Variants in BCAS3 observed in about 807,000 individuals in gnomAD.
The protein encoded by BCAS3 is BCAS3 microtubule associated cell migration factor, also known as BCAS4/BCAS3 fusion.
BCAS3 carries 53 observed loss-of-function variants against 116.1 expected under a neutral mutation model. The observed-to-expected ratio is 0.46, with a 90% CI of 0.37 to 0.57. The LOEUF (loss-of-function observed/expected upper bound fraction) is 0.57, where lower values mean the gene tolerates loss of function less well. BCAS3 is among the 20% of genes least tolerant of loss of function. The pLI, the probability that BCAS3 is intolerant of heterozygous loss-of-function variation, is 0.00. For missense variants in BCAS3, 917 were observed against 1,165.4 expected, an observed-to-expected ratio of 0.79 and a Z score of 3.10; for synonymous variants, 391 against 408.2, an observed-to-expected ratio of 0.96 and a Z score of 0.51.
Position 61,348,577 on chromosome 17 carries a change from C to T in BCAS3, c.2426-19750C>T, listed in dbSNP as rs373446581. Among the ~76,000 whole-genome samples the T allele has an allele frequency of 1.2e-4, 18 of 151,972 alleles. 2 individuals carry two copies. The highest frequency in any genetic ancestry group is 4.3e-4 in the African/African-American group (18 of 41,440). On this transcript the variant is annotated intron_variant, in intron 22 of 23. Transcript: ENST00000407086. This position sits in a 1 kb window ranked among gnomAD's most constrained non-coding sequence, Gnocchi z 4.5. ...CGAGGCCTTGGGAGAGACTTGGGAGCGGTCAGAGAGGGAAGAGGAAAACTG... is the reference window on the plus strand; with the variant it reads ...CGAGGCCTTGGGAGAGACTTGGGAGTGGTCAGAGAGGGAAGAGGAAAACTG...
At chr17:60,925,505 A>T (rs905407239) in intron 13 of BCAS3, among the ~76,000 whole-genome samples, 1 of 152,228 alleles carries the variant, frequency 6.6e-6, no homozygotes, top group Non-Finnish European at 1.5e-5. Flanking sequence ...ACTCTACAGT[A>T]TGTCATTTTG....
At position 61,162,806 on chromosome 17, in the gene BCAS3, G is replaced by A. The variant is rs958329371; in HGVS notation, c.2425+78242G>A. ...ACCACTCCTGATGGAATATGAGAAA[G>A]AAAAGTGTATTATTTACATTCTTAA... On this transcript the variant is annotated intron_variant, in intron 22 of 23. Coordinates refer to ENST00000407086, the MANE Select transcript of BCAS3 (RefSeq NM_017679.5). This position sits in a 1 kb window ranked among gnomAD's most constrained non-coding sequence, Gnocchi z 5.6. Among the ~76,000 whole-genome samples the A allele has an allele frequency of 6.6e-6, 1 of 152,232 alleles. No homozygotes were observed. The highest frequency in any genetic ancestry group is 1.5e-5 in the Non-Finnish European group (1 of 68,030).
intron 7 of BCAS3, among the ~76,000 whole-genome samples, chr17:60,833,174 T>C (rs2051090629): frequency 6.6e-6 from 1 of 152,180 alleles, no homozygotes; most frequent in Non-Finnish European, 1.5e-5. Flanking sequence ...GCCCATTTTA[T>C]ATATTCTAAA....
At chr17:61,055,592 G>A (rs1170986820) in intron 19 of BCAS3, among the ~76,000 whole-genome samples, 2 of 152,098 alleles carry the variant, frequency 1.3e-5, no homozygotes, top group Non-Finnish European at 2.9e-5. Context: ...TGACACATAG[G>A]GCACCTTTCT....
At chr17:61,283,689 G>A (rs955925680) in intron 22 of BCAS3, among the ~76,000 whole-genome samples, 2 of 152,012 alleles carry the variant, frequency 1.3e-5, no homozygotes, top group Non-Finnish European at 2.9e-5. Flanking sequence ...TTCTGACCTC[G>A]TAATCCACCT....
chr17:61,295,399 CCT>C (rs2052796142), intron 22 of BCAS3, among the ~76,000 whole-genome samples: 5 of 152,308 alleles, frequency 3.3e-5, no homozygotes, highest in Admixed American at 3.3e-4. Flanking sequence ...GCAGAGAACC[CCT>C]GTCTCTGACA....
chr17:60,707,484 A>G (rs1395069116), intron 4 of BCAS3, among the ~76,000 whole-genome samples: 2 of 152,192 alleles, frequency 1.3e-5, no homozygotes, highest in Non-Finnish European at 2.9e-5. Context: ...TCAAGGGTCA[A>G]GTGTACTTTT....
chr17:60,711,150 T>C (rs1297745719), intron 5 of BCAS3, among the ~76,000 whole-genome samples: 1 of 95,274 alleles, frequency 1.0e-5, no homozygotes, highest in Non-Finnish European at 1.9e-5. Context: ...AGATGTGGGA[T>C]TTTTTTTTTT....
rs995672902 is a variant in BCAS3 at position 61,377,920 on chromosome 17, T to C, written c.2593+9426T>C. ...TGGGAAGAGGTTCCAGTTATTAAGATCCTGCCGGTCTCCCATGGTCTGAAG... is the reference window on the plus strand; with the variant it reads ...TGGGAAGAGGTTCCAGTTATTAAGACCCTGCCGGTCTCCCATGGTCTGAAG... On this transcript the variant is annotated intron_variant, in intron 23 of 23. Coordinates refer to ENST00000407086, the MANE Select transcript of BCAS3 (RefSeq NM_017679.5). The surrounding 1 kb of genome is among the most constrained non-coding windows in gnomAD (Gnocchi z 4.6). 1.3e-5 allele frequency: 2 copies of C among 152,240 alleles called. No homozygotes were observed. The highest frequency in any genetic ancestry group is 4.8e-5 in the African/African-American group (2 of 41,466). 9.4% of individuals were successfully genotyped at this position (152,240 alleles called of 1,614,324 possible).
intron 7 of BCAS3, among the ~76,000 whole-genome samples, chr17:60,813,938 G>C (rs1461966399): frequency 6.6e-6 from 1 of 152,136 alleles, no homozygotes; most frequent in South Asian, 2.1e-4. Flanking sequence ...TAGCCTTATA[G>C]TATAGTTTGA....
rs1047277491 is a variant in BCAS3 at position 61,229,389 on chromosome 17, T to G, written c.2426-138938T>G. Among the ~76,000 whole-genome samples the G allele has an allele frequency of 3.3e-5, 5 of 152,266 alleles. No individual in the cohort carries two copies. Among genetic ancestry groups the G allele is most frequent in the African/African-American group, 1.2e-4 (5 of 41,476 alleles). On this transcript the variant is annotated intron_variant, in intron 22 of 23. Transcript: ENST00000407086. This position sits in a 1 kb window ranked among gnomAD's most constrained non-coding sequence, Gnocchi z 4.4. ...GATGGAGAAGCTCCAGCCAGTTATC[T>G]AGAAGATCTAGCCAAGATCATTGAT...
Position 61,056,343 on chromosome 17 carries a change from G to A in BCAS3, c.2029+15451G>A, listed in dbSNP as rs1158732173. Among the ~76,000 whole-genome samples the A allele has an allele frequency of 6.6e-6, 1 of 152,160 alleles. No homozygotes were observed. Among genetic ancestry groups the A allele is most frequent in the African/African-American group, 2.4e-5 (1 of 41,438 alleles). On this transcript the variant is annotated intron_variant, in intron 19 of 23. Coordinates refer to ENST00000407086, the MANE Select transcript of BCAS3 (RefSeq NM_017679.5). This position sits in a 1 kb window ranked among gnomAD's most constrained non-coding sequence, Gnocchi z 4.9. ...TGTGTGGCCTTAGTACAGTGCCCAT[G>A]TTATATACTGATAGAAGTCAGTAAT...
rs1197908849 is a variant in BCAS3, at chr17:61,343,902, C to T, written c.2426-24425C>T. On this transcript the variant is annotated intron_variant, in intron 22 of 23. Transcript: ENST00000407086. The surrounding 1 kb of genome is among the most constrained non-coding windows in gnomAD (Gnocchi z 5.5). ...CTCTTTGGACCACCTCCTCCCCTTT[C>T]GCTTCCTTCCACACAGTCCAGTGCT... 2.6e-5 allele frequency among the ~76,000 whole-genome samples: 4 copies of T among 152,224 alleles called. No individual in the cohort carries two copies. Among genetic ancestry groups the T allele is most frequent in the East Asian group, 1.9e-4 (1 of 5,192 alleles).
chr17:60,953,693 G>C (rs1234179613), intron 14 of BCAS3, among the ~76,000 whole-genome samples: 1 of 148,880 alleles, frequency 6.7e-6, no homozygotes, highest in East Asian at 1.9e-4. Context: ...AGTTTTTATA[G>C]TTTTGAGTTT....
rs117484839 is a variant in BCAS3, at chr17:61,285,927, C to T, written c.2426-82400C>T. The stretch of plus-strand genomic sequence containing the variant: ...TTTTAGTTTCAAGACTTAGCTTACA[C>T]ACACACTCAAGTTACGTGAATACAT... On this transcript the variant is annotated intron_variant, in intron 22 of 23. Coordinates refer to ENST00000407086, the MANE Select transcript of BCAS3 (RefSeq NM_017679.5). This position sits in a 1 kb window ranked among gnomAD's most constrained non-coding sequence, Gnocchi z 5.4. Among the ~76,000 whole-genome samples the T allele has an allele frequency of 8.6e-3, 1,303 of 152,304 alleles. 10 individuals carry two copies. The highest frequency in any genetic ancestry group is 0.013 in the Non-Finnish European group (903 of 68,020).
intron 10 of BCAS3, among the ~76,000 whole-genome samples, chr17:60,894,865 CTT>C (rs1440940691): frequency 6.6e-6 from 1 of 151,932 alleles, no homozygotes; most frequent in Non-Finnish European, 1.5e-5. Context: ...GTGATTATCA[CTT>C]ATTGATTTAG....
intron 14 of BCAS3, among the ~76,000 whole-genome samples, chr17:60,974,985 TTTTTTGC>T (rs1457096581): frequency 3.6e-5 from 5 of 138,376 alleles, no homozygotes; most frequent in African/African-American, 1.4e-4. Flanking sequence ...TTTTTTTGTT[TTTTTTGC>T]TTTTTTGTTT....
At chr17:60,974,349 T>G (rs2062161747) in intron 14 of BCAS3, among the ~76,000 whole-genome samples, 1 of 152,182 alleles carries the variant, frequency 6.6e-6, no homozygotes, top group South Asian at 2.1e-4. Context: ...TTCAACCCAT[T>G]TTGTGAATTA....
intron 6 of BCAS3, among the ~76,000 whole-genome samples, chr17:60,786,803 C>A (rs994657587): frequency 6.6e-5 from 10 of 151,972 alleles, no homozygotes; most frequent in Non-Finnish European, 8.8e-5. Context: ...TCTGGAAAGA[C>A]CAGACTACAA....
Sources: gnomAD v4.1 joint callset for allele counts (sites outside exome capture counted in the v4.1 genomes callset) on GRCh38, gnomAD v4.1.1 for gene constraint, Gnocchi (gnomAD v3.1) non-coding constraint, MANE v1.5 for transcripts, NCBI Gene and HGNC (gene_info 2026-07-23, HGNC 2026-07-21) for gene names.